THADA: variants seen among roughly 807,000 people sequenced by gnomAD.
THADA encodes THADA armadillo repeat containing, also known as tRNA (32-2'-O)-methyltransferase regulator THADA.
THADA carries 213 observed loss-of-function variants against 219.8 expected under a neutral mutation model. The ratio of observed to expected loss-of-function variants is 0.97; its 90% CI spans 0.87 to 1.09. THADA has a LOEUF of 1.09. Among genes scored for constraint, THADA ranks in the 50% least tolerant of loss-of-function variants. THADA has a pLI of 0.00. For synonymous variants in THADA, 1,018 were observed against 828.9 expected, an observed-to-expected ratio of 1.23 and a Z score of -3.92; for missense variants, 2,956 against 2,311.3, an observed-to-expected ratio of 1.28 and a Z score of -5.72.
At chr2:43,572,494 C>T (rs974463760) in intron 12 of THADA, among the ~76,000 whole-genome samples, 4 of 152,192 alleles carry the variant, frequency 2.6e-5, no homozygotes, top group Admixed American at 6.5e-5. Flanking sequence ...TCAAGCACCA[C>T]CTGCTCTGAT....
intron 36 of THADA, among the ~76,000 whole-genome samples, chr2:43,275,109 A>G (rs1418309624): frequency 6.6e-6 from 1 of 150,806 alleles, no homozygotes; most frequent in Admixed American, 6.6e-5. Flanking sequence ...GGTTCAAGCA[A>G]TTCTCCTGCC....
chr2:43,449,570 G>A (rs2104889994), intron 26 of THADA, among the ~76,000 whole-genome samples: 1 of 152,154 alleles, frequency 6.6e-6, no homozygotes, highest in East Asian at 1.9e-4. Context: ...AGCAGAAAGA[G>A]AAGCCCGGGC....
At chr2:43,323,946 G>A (rs1040405125) in intron 30 of THADA, among the ~76,000 whole-genome samples, 1 of 152,204 alleles carries the variant, frequency 6.6e-6, no homozygotes, top group Non-Finnish European at 1.5e-5. Flanking sequence ...GCGTTGATAA[G>A]GTGGAAACAA....
intron 36 of THADA, among the ~76,000 whole-genome samples, chr2:43,262,556 T>C (rs952730291): frequency 1.3e-5 from 2 of 152,376 alleles, no homozygotes; most frequent in Non-Finnish European, 2.9e-5. Flanking sequence ...TTGGCTTTTC[T>C]GTCACATGTA....
rs765352765 is a variant in THADA at position 43,291,454 on chromosome 2, C to CAAAAAAAAAAAAAAAA, written c.5010+226_5010+241dup. 7.2e-3 allele frequency among the ~76,000 whole-genome samples: 58 copies of CAAAAAAAAAAAAAAAA among 8,072 alleles called. 1 individual carries two copies. Among genetic ancestry groups the CAAAAAAAAAAAAAAAA allele is most frequent in the Non-Finnish European group, 9.3e-3 (39 of 4,206 alleles). 5.3% of individuals were successfully genotyped at this position (8,072 alleles called of 152,430 possible). A position where few individuals can be genotyped will look rare whatever the true frequency, so the allele number is the denominator to read the frequency against. ...GGGCAACAAGAGCAAAACTCCATCT[C>CAAAAAAAAAAAAAAAA]AAAAAAAAAAAAAAAAAAAAAAAAA... is the stretch of plus-strand genomic sequence containing the variant. On this transcript the variant is annotated intron_variant, in intron 34 of 37. Coordinates refer to ENST00000405975, the MANE Select transcript of THADA (RefSeq NM_022065.5).
chr2:43,588,766 T>C (rs757763203), intron 4 of THADA, among the ~76,000 whole-genome samples: 6 of 152,134 alleles, frequency 3.9e-5, no homozygotes, highest in Non-Finnish European at 8.8e-5. Flanking sequence ...TTTAACAATA[T>C]CTACCAAGAA....
At chr2:43,271,969 A>T (rs763758151) in intron 36 of THADA, among the ~76,000 whole-genome samples, 54 of 152,242 alleles carry the variant, frequency 3.5e-4, no homozygotes, top group Admixed American at 7.2e-4. Context: ...AAATAAAATT[A>T]TGCAGATAAT....
At chr2:43,327,273 C>G (rs1056847745) in intron 30 of THADA, among the ~76,000 whole-genome samples, 3 of 152,096 alleles carry the variant, frequency 2.0e-5, no homozygotes, top group African/African-American at 7.2e-5. Flanking sequence ...CAGCTCAGAT[C>G]ACTTCTGTTC....
intron 29 of THADA, among the ~76,000 whole-genome samples, chr2:43,371,191 T>C (rs186918532): frequency 1.3e-5 from 2 of 152,244 alleles, no homozygotes; most frequent in East Asian, 1.9e-4. Context: ...GGAACCTTTT[T>C]AGATAAAGAA....
intron 35 of THADA, 80 bp downstream of exon 35, chr2:43,286,828 C>T (rs1324024372): frequency 4.6e-6 from 7 of 1,524,142 alleles, no homozygotes; most frequent in African/African-American, 1.4e-5. Flanking sequence ...CATCTTTCAC[C>T]TTCCCTTTTT....
intron 22 of THADA, among the ~76,000 whole-genome samples, chr2:43,523,873 A>C (rs1692813803): frequency 1.3e-5 from 2 of 152,240 alleles, no homozygotes; most frequent in African/African-American, 4.8e-5. Flanking sequence ...AATTATAATC[A>C]ATGATTTTAT....
At chr2:43,368,102 G>A (rs1418034876) in intron 29 of THADA, among the ~76,000 whole-genome samples, 1 of 152,122 alleles carries the variant, frequency 6.6e-6, no homozygotes, top group African/African-American at 2.4e-5. Flanking sequence ...TGGGCAAAAA[G>A]AGCAAAACTC....
chr2:43,281,049 C>T (rs1157477451), intron 35 of THADA, among the ~76,000 whole-genome samples: 4 of 152,126 alleles, frequency 2.6e-5, no homozygotes, highest in African/African-American at 9.7e-5. Context: ...CACTGGAGGG[C>T]CATGGAAGAC....
At chr2:43,367,823 TA>T (rs1558648817) in intron 29 of THADA, among the ~76,000 whole-genome samples, 1 of 152,308 alleles carries the variant, frequency 6.6e-6, no homozygotes, top group Non-Finnish European at 1.5e-5. Context: ...GTTTAATTTT[TA>T]AAAACACTTT....
chr2:43,569,771 C>G (rs1699094859), intron 14 of THADA, among the ~76,000 whole-genome samples: 1 of 152,150 alleles, frequency 6.6e-6, no homozygotes, highest in Non-Finnish European at 1.5e-5. Context: ...GTCTGCTTCT[C>G]AAAGGCTAGA....
Position 43,592,371 on chromosome 2 carries a change from C to T in THADA, c.22G>A (p.Glu8Lys). ...ATGGTCAGCGCAGCAACTTGCATTT[C>T]TTTCTTCTTCTTTACACCCATTTTA... MGVKKKKEMQVAALTICH... is the reference protein window; with the variant it reads MGVKKKKKMQVAALTICH... The change falls in exon 2 of 38, where the codon GAA becomes AAA. Residue 8 changes from glutamate (E) to lysine (K), a missense_variant. Glu to Lys is a moderately conservative substitution (Grantham distance 56). Transcript: ENST00000405975. The T allele has an allele frequency of 6.2e-7, 1 of 1,604,810 alleles. No individual in the cohort carries two copies. Among genetic ancestry groups the T allele is most frequent in the Non-Finnish European group, 8.5e-7 (1 of 1,175,352 alleles).
At chr2:43,241,402 A>C (rs1017338818) in intron 36 of THADA, among the ~76,000 whole-genome samples, 2 of 151,406 alleles carry the variant, frequency 1.3e-5, no homozygotes, top group African/African-American at 2.4e-5. Flanking sequence ...TTTTTGTTTT[A>C]AGTCTTAGAG....
chr2:43,541,795 A>G (rs1200972975), intron 20 of THADA, among the ~76,000 whole-genome samples: 1 of 152,162 alleles, frequency 6.6e-6, no homozygotes, highest in Non-Finnish European at 1.5e-5. Flanking sequence ...TGCCAGGCCC[A>G]GTATTTTAAT....
At chr2:43,591,193 A>G (rs1213215585) in intron 3 of THADA, among the ~76,000 whole-genome samples, 1 of 151,982 alleles carries the variant, frequency 6.6e-6, no homozygotes, top group African/African-American at 2.4e-5. Flanking sequence ...GCATGGTGGC[A>G]CATGCCTGTA....
Sources: allele counts gnomAD v4.1 joint callset (sites outside exome capture counted in the v4.1 genomes callset), GRCh38; gene constraint gnomAD v4.1.1; transcripts MANE v1.5; gene names NCBI Gene and HGNC (gene_info 2026-07-23, HGNC 2026-07-21).